PKIB: variants seen among roughly 807,000 people sequenced by gnomAD.
PKIB encodes cAMP-dependent protein kinase inhibitor beta.
A neutral mutation model predicts 4.5 loss-of-function variants in PKIB; 2 were observed. The ratio of observed to expected loss-of-function variants is 0.44; its 90% CI spans 0.18 to 1.39. The LOEUF is 1.39. PKIB is among the 40% of genes most tolerant of loss of function. PKIB has a pLI of 0.27. For missense variants in PKIB, 94 were observed against 92.6 expected, an observed-to-expected ratio of 1.02 and a Z score of -0.06; for synonymous variants, 38 against 36.0, an observed-to-expected ratio of 1.06 and a Z score of -0.20.
intron 2 of PKIB, among the ~76,000 whole-genome samples, chr6:122,533,172 TTATTTATTTATTTATG>T (rs1304279053): frequency 7.7e-6 from 1 of 130,340 alleles, no homozygotes; most frequent in East Asian, 2.5e-4. Context: ...ATTTATTTAT[TTATTTATTTATTTATG>T]AGAAAGAGTC....
intron 2 of PKIB, among the ~76,000 whole-genome samples, chr6:122,491,634 C>T (rs1775935880): frequency 1.3e-5 from 2 of 152,192 alleles, no homozygotes; most frequent in Non-Finnish European, 2.9e-5. Flanking sequence ...GCAGATAGCA[C>T]TCCTCACTAC....
At chr6:122,599,307 T>C (rs2114737517) in intron 3 of PKIB, among the ~76,000 whole-genome samples, 1 of 152,266 alleles carries the variant, frequency 6.6e-6, no homozygotes, top group East Asian at 1.9e-4. Context: ...AATTTACAAA[T>C]TCAGTATCCC....
chr6:122,553,481 CTTTTTTTTTTT>C (rs533553939), intron 2 of PKIB, among the ~76,000 whole-genome samples: 7 of 65,822 alleles, frequency 1.1e-4, no homozygotes, highest in African/African-American at 3.5e-4. Flanking sequence ...CAAATATCTT[CTTTTTTTTTTT>C]TTTTTTTTTT....
At chr6:122,617,788 T>C (rs1775056049) in intron 1 of PKIB, among the ~76,000 whole-genome samples, 1 of 152,292 alleles carries the variant, frequency 6.6e-6, no homozygotes, top group East Asian at 1.9e-4. Context: ...ATAAGGACTG[T>C]TAAAAAGATT....
intron 3 of PKIB, among the ~76,000 whole-genome samples, chr6:122,591,117 A>G (rs1774006008): frequency 6.6e-6 from 1 of 151,962 alleles, no homozygotes; most frequent in African/African-American, 2.4e-5. Flanking sequence ...CTAAATTAGG[A>G]AATTCCACAG....
intron 3 of PKIB, among the ~76,000 whole-genome samples, chr6:122,703,793 T>C (rs1465564167): frequency 6.7e-6 from 1 of 150,040 alleles, no homozygotes; most frequent in Non-Finnish European, 1.5e-5. Flanking sequence ...TATATATACA[T>C]ATATGTATAT....
At chr6:122,599,647 A>G (rs1355850422) in intron 3 of PKIB, among the ~76,000 whole-genome samples, 1 of 152,142 alleles carries the variant, frequency 6.6e-6, no homozygotes, top group Non-Finnish European at 1.5e-5. Context: ...CAGCTTCATT[A>G]TGTTCCTTGG....
At chr6:122,645,168 G>A (rs1184131767) in intron 2 of PKIB, among the ~76,000 whole-genome samples, 1 of 152,104 alleles carries the variant, frequency 6.6e-6, no homozygotes, top group African/African-American at 2.4e-5. Context: ...ATCTTTTAGG[G>A]TTATCATACA....
chr6:122,641,049 T>C (rs1326928001), intron 2 of PKIB, among the ~76,000 whole-genome samples: 1 of 152,200 alleles, frequency 6.6e-6, no homozygotes, highest in Non-Finnish European at 1.5e-5. Flanking sequence ...AAGTCTCCTT[T>C]ATAAAGAAAT....
At chr6:122,497,411 C>T (rs969125758) in intron 2 of PKIB, among the ~76,000 whole-genome samples, 13 of 152,124 alleles carry the variant, frequency 8.5e-5, no homozygotes, top group African/African-American at 2.2e-4. Flanking sequence ...TCACACCCTA[C>T]TTAGAAGGCA....
chr6:122,664,567 A>G (rs1777140238), intron 2 of PKIB, among the ~76,000 whole-genome samples: 3 of 152,000 alleles, frequency 2.0e-5, no homozygotes, highest in South Asian at 4.2e-4. Context: ...GTGTGCCACC[A>G]TGTCCAGCTA....
chr6:122,554,328 G>A (rs1319217252), intron 2 of PKIB, among the ~76,000 whole-genome samples: 1 of 152,182 alleles, frequency 6.6e-6, no homozygotes, highest in Non-Finnish European at 1.5e-5. Flanking sequence ...GCTTTGAAAT[G>A]TAGATATTTA....
At chr6:122,644,554 C>T (rs1776238648) in intron 2 of PKIB, 1 of 152,130 alleles carries the variant, frequency 6.6e-6, no homozygotes, top group South Asian at 2.1e-4. Flanking sequence ...ATTAGTGCCT[C>T]TCCCCCAGCG....
intron 3 of PKIB, among the ~76,000 whole-genome samples, chr6:122,590,330 G>C (rs1041097806): frequency 6.6e-6 from 1 of 152,164 alleles, no homozygotes; most frequent in Non-Finnish European, 1.5e-5. Context: ...AGGCTCAGAT[G>C]TATCTAAATT....
At chr6:122,698,026 T>C (rs1778642360) in intron 3 of PKIB, among the ~76,000 whole-genome samples, 1 of 151,804 alleles carries the variant, frequency 6.6e-6, no homozygotes, top group South Asian at 2.1e-4. Context: ...TGAGGTGAAA[T>C]GGCCAGGGCA....
intron 3 of PKIB, among the ~76,000 whole-genome samples, chr6:122,696,293 G>A (rs903500205): frequency 6.6e-6 from 1 of 152,176 alleles, no homozygotes; most frequent in Non-Finnish European, 1.5e-5. Flanking sequence ...TGATGTTTCT[G>A]GGAAGGGAAA....
intron 2 of PKIB, among the ~76,000 whole-genome samples, chr6:122,574,243 C>T (rs1773463874): frequency 6.6e-6 from 1 of 152,068 alleles, no homozygotes; most frequent in South Asian, 2.1e-4. Context: ...ATCACCTACA[C>T]TGCTGAAGGA....
chr6:122,500,295 C>CTT lies in PKIB; in HGVS notation c.-248+22364_-248+22365dup, dbSNP rs71272334. On this transcript the variant is annotated intron_variant, in intron 2 of 6. Coordinates refer to the PKIB transcript ENST00000392491. Reference sequence around the variant, plus strand: ...TAAGTGGTAGAGATTATATCACATTCTTTTTTTTTATATTAAGTATCCAGT... The same window carrying CTT: ...TAAGTGGTAGAGATTATATCACATTCTTTTTTTTTTTATATTAAGTATCCAGT... 3.2e-3 allele frequency among the ~76,000 whole-genome samples: 484 copies of CTT among 151,316 alleles called. 3 individuals carry two copies. Among genetic ancestry groups the CTT allele is most frequent in the African/African-American group, 0.011 (451 of 41,282 alleles).
chr6:122,624,040 A>G (rs2114797563), intron 1 of PKIB, among the ~76,000 whole-genome samples: 1 of 152,320 alleles, frequency 6.6e-6, no homozygotes, highest in South Asian at 2.1e-4. Flanking sequence ...ATTTTTACTT[A>G]TAGGGAAGTC....
Sources: allele counts gnomAD v4.1 joint callset (sites outside exome capture counted in the v4.1 genomes callset), GRCh38; gene constraint gnomAD v4.1.1; transcripts MANE v1.5; gene names NCBI Gene and HGNC (gene_info 2026-07-23, HGNC 2026-07-21).